Variants in WWOX observed in about 807,000 individuals in gnomAD.
The protein encoded by WWOX is WW domain-containing oxidoreductase.
Under a neutral mutation model 46.2 loss-of-function variants are expected in WWOX, and 69 were observed. The ratio of observed to expected loss-of-function variants is 1.49; its 90% CI spans 1.23 to 1.82. The LOEUF is 1.82. WWOX is among the 40% of genes most tolerant of loss of function. The pLI, the probability that WWOX is intolerant of heterozygous loss-of-function variation, is 0.00. For missense variants in WWOX, 919 were observed against 542.6 expected (o/e 1.69, Z -6.89); for synonymous variants, 359 against 202.6 (o/e 1.77, Z -6.56).
At chr16:78,140,556 G>A (rs2033951998) in intron 4 of WWOX, among the ~76,000 whole-genome samples, 1 of 152,042 alleles carries the variant, frequency 6.6e-6, no homozygotes, top group Admixed American at 6.5e-5. Context: ...AGCCCTAGAT[G>A]TTCATTGGCC....
chr16:78,928,160 T>TA (rs2045541451), intron 8 of WWOX, among the ~76,000 whole-genome samples: 1 of 152,098 alleles, frequency 6.6e-6, no homozygotes, highest in Non-Finnish European at 1.5e-5. Flanking sequence ...CCCATGAGTT[T>TA]AATAATAAAG....
intron 8 of WWOX, among the ~76,000 whole-genome samples, chr16:78,629,581 C>G (rs1222245319): frequency 6.6e-6 from 1 of 152,158 alleles, no homozygotes; most frequent in Non-Finnish European, 1.5e-5. Context: ...CTGCAAGACC[C>G]CTGCCAACCT....
intron 8 of WWOX, among the ~76,000 whole-genome samples, chr16:79,096,485 C>CA (rs2049076757): frequency 6.6e-6 from 1 of 152,138 alleles, no homozygotes; most frequent in South Asian, 2.1e-4. Context: ...CTGGTTATCC[C>CA]ACTCAGAGTG....
At chr16:78,640,952 AAGAAG>A (rs1236707764) in intron 8 of WWOX, among the ~76,000 whole-genome samples, 8 of 142,414 alleles carry the variant, frequency 5.6e-5, no homozygotes, top group Non-Finnish European at 1.1e-4. Context: ...AAAAAAAAAA[AAGAAG>A]AAGAAAAGAA....
At chr16:78,561,314 ACT>A (rs1364846520) in intron 8 of WWOX, among the ~76,000 whole-genome samples, 5 of 151,634 alleles carry the variant, frequency 3.3e-5, no homozygotes, top group Non-Finnish European at 7.4e-5. Context: ...GGGCTCAGAA[ACT>A]CTCTCATGCA....
At chr16:79,180,968 G>A (rs972017166) in intron 8 of WWOX, among the ~76,000 whole-genome samples, 1 of 152,152 alleles carries the variant, frequency 6.6e-6, no homozygotes, top group African/African-American at 2.4e-5. Context: ...TAATACAGTT[G>A]AGATCATATT....
At chr16:78,633,968 C>A (rs1427035842) in intron 8 of WWOX, among the ~76,000 whole-genome samples, 1 of 151,222 alleles carries the variant, frequency 6.6e-6, no homozygotes, top group African/African-American at 2.4e-5. Context: ...GCTGAGTGTC[C>A]TTTTATTAGT....
intron 3 of WWOX, 25 bp from the exon 4 acceptor site, chr16:78,114,951 G>C (rs749478394): frequency 6.2e-7 from 1 of 1,614,028 alleles, no homozygotes; most frequent in Non-Finnish European, 8.5e-7. Flanking sequence ...ATTGCTGTGG[G>C]TTCACTGCTT....
chr16:78,977,355 C>G (rs11150125), intron 8 of WWOX, among the ~76,000 whole-genome samples: 94,811 of 151,978 alleles, frequency 0.62, 31,449 homozygotes, highest in Non-Finnish European at 0.75. Context: ...TCCTCCAGAT[C>G]CTGTTCATTT....
intron 5 of WWOX, among the ~76,000 whole-genome samples, chr16:78,299,710 G>A (rs2080006437): frequency 6.6e-6 from 1 of 151,848 alleles, no homozygotes; most frequent in Admixed American, 6.6e-5. Context: ...TGTATATTTA[G>A]TAGAGATGGG....
intron 8 of WWOX, among the ~76,000 whole-genome samples, chr16:78,800,176 A>G (rs1269156585): frequency 2.0e-5 from 3 of 152,198 alleles, no homozygotes; most frequent in Non-Finnish European, 4.4e-5. Context: ...AATGTATTAA[A>G]ACTGAGAAGG....
At chr16:78,472,289 G>C (rs2084241736) in intron 8 of WWOX, among the ~76,000 whole-genome samples, 1 of 152,126 alleles carries the variant, frequency 6.6e-6, no homozygotes, top group Non-Finnish European at 1.5e-5. Context: ...AATGTGGTCA[G>C]CCTCTTATCT....
At chr16:78,587,154 T>C (rs2151596738) in intron 8 of WWOX, among the ~76,000 whole-genome samples, 1 of 149,706 alleles carries the variant, frequency 6.7e-6, no homozygotes, top group South Asian at 2.1e-4. Flanking sequence ...GCCTCTTGAG[T>C]GGCTGGAACC....
intron 8 of WWOX, among the ~76,000 whole-genome samples, chr16:78,919,904 T>C (rs1323002699): frequency 2.0e-5 from 3 of 152,164 alleles, no homozygotes; most frequent in African/African-American, 4.8e-5. Context: ...ATTATAGATA[T>C]ATTAATGACC....
chr16:78,170,099 T>A (rs988252457), intron 5 of WWOX, among the ~76,000 whole-genome samples: 2 of 152,114 alleles, frequency 1.3e-5, no homozygotes, highest in African/African-American at 2.4e-5. Flanking sequence ...TACCCTCTCA[T>A]ATGGGAGGGG....
chr16:79,014,929 G>A (rs536655275), intron 8 of WWOX, among the ~76,000 whole-genome samples: 1 of 152,146 alleles, frequency 6.6e-6, no homozygotes, highest in Non-Finnish European at 1.5e-5. Context: ...ACCCAGGAAG[G>A]ACTAGGAATG....
intron 8 of WWOX, among the ~76,000 whole-genome samples, chr16:78,864,157 A>C (rs1482404280): frequency 2.0e-5 from 3 of 152,154 alleles, no homozygotes; most frequent in African/African-American, 7.2e-5. Flanking sequence ...CTGGGAGTGG[A>C]ATTACGGGGT....
rs1013881856 is a variant in WWOX, at chr16:78,984,103, C to A, written c.1057-227505C>A. Among the ~76,000 whole-genome samples the A allele has an allele frequency of 2.6e-5, 4 of 152,182 alleles. No individual in the cohort carries two copies. In the East Asian group the frequency reaches 5.8e-4, roughly 22 times the overall value. On this transcript the variant is annotated intron_variant, in intron 8 of 8. Coordinates refer to ENST00000566780, the MANE Select transcript of WWOX (RefSeq NM_016373.4). ...CTGTCTTAGCCAGGATGGTCTCGAT[C>A]TCCTGACCTCGTGATCTGCCCGCCT... is the stretch of plus-strand genomic sequence containing the variant.
At chr16:78,535,042 A>T (rs529987113) in intron 8 of WWOX, 9 of 152,286 alleles carry the variant, frequency 5.9e-5, no homozygotes, top group Non-Finnish European at 8.8e-5. Context: ...CTATACACTG[A>T]TATCCCCGAG....
Sources: gnomAD v4.1 joint callset for allele counts (sites outside exome capture counted in the v4.1 genomes callset) on GRCh38, gnomAD v4.1.1 for gene constraint, MANE v1.5 for transcripts, NCBI Gene and HGNC (gene_info 2026-07-23, HGNC 2026-07-21) for gene names.